Variants in IGFL4 observed in about 807,000 individuals in gnomAD.
The protein encoded by IGFL4 is IGF like family member 4.
A neutral mutation model predicts 15.4 loss-of-function variants in IGFL4; 12 were observed. The observed-to-expected ratio is 0.78, with a 90% CI of 0.50 to 1.26. The LOEUF (loss-of-function observed/expected upper bound fraction) is 1.26, where lower values mean the gene tolerates loss of function less well. Ranked by LOEUF, IGFL4 falls within the 50% of genes most tolerant of loss-of-function variation. The pLI, the probability that IGFL4 is intolerant of heterozygous loss-of-function variation, is 0.00. For missense variants in IGFL4, 126 were observed against 147.8 expected (o/e 0.85, Z 0.76); for synonymous variants, 54 against 55.9 (o/e 0.97, Z 0.16).
Position 46,039,809 on chromosome 19 carries a change from C to CACA in IGFL4, c.*80_*82dup, listed in dbSNP as rs111930205. 11,976 of 1,255,990 alleles carry CACA rather than the reference C, an allele frequency of 9.5e-3. 816 individuals are homozygous for CACA. The African/African-American group carries it at 0.15, about 16-fold the overall frequency. The allele number at this position is 1,255,990 out of a possible 1,614,324, so 77.8% of individuals were successfully genotyped here. On this transcript the variant is annotated 3_prime_UTR_variant, in exon 4 of 4. Coordinates refer to ENST00000377697, the MANE Select transcript of IGFL4 (RefSeq NM_001002923.3). ...CCTGGGGGACAGAGTGAAACTCTGT[C>CACA]ACAACAACAACAAAATCAATGCAGT...
chr19:46,049,463 G>A (rs761398074), intron 2 of IGFL4, among the ~76,000 whole-genome samples: 5 of 152,134 alleles, frequency 3.3e-5, no homozygotes, highest in Non-Finnish European at 7.4e-5. Context: ...TGGGTTGTGG[G>A]CTGCATGGGA....
intron 2 of IGFL4, among the ~76,000 whole-genome samples, chr19:46,053,565 A>G (rs1042316498): frequency 6.6e-6 from 1 of 152,172 alleles, no homozygotes; most frequent in Admixed American, 6.5e-5. Context: ...TATTGTGAAT[A>G]CTACTGCAAT....
intron 2 of IGFL4, chr19:46,059,953 C>T (rs1161687979): frequency 1.3e-5 from 2 of 152,160 alleles, no homozygotes; most frequent in Non-Finnish European, 1.5e-5. Context: ...TTACTTACCA[C>T]AGGTCGGGAA....
At chr19:46,052,998 C>T (rs958250685) in intron 2 of IGFL4, among the ~76,000 whole-genome samples, 12 of 148,228 alleles carry the variant, frequency 8.1e-5, no homozygotes, top group East Asian at 2.0e-4. Flanking sequence ...GAGGAACCCT[C>T]GGTGGAAAGT....
chr19:46,043,182 C>T (rs1017079157), upstream of IGFL4, among the ~76,000 whole-genome samples: 9 of 152,060 alleles, frequency 5.9e-5, no homozygotes. Flanking sequence ...GGGAACAATG[C>T]CATTTATAAT....
upstream of IGFL4, among the ~76,000 whole-genome samples, chr19:46,044,478 T>G (rs1390873591): frequency 6.6e-6 from 1 of 152,122 alleles, no homozygotes; most frequent in African/African-American, 2.4e-5. Flanking sequence ...GGCCGGAGTC[T>G]GCCTGGGTCA....
intron 2 of IGFL4, among the ~76,000 whole-genome samples, chr19:46,057,144 A>G (rs936145744): frequency 1.3e-5 from 2 of 152,210 alleles, no homozygotes; most frequent in Admixed American, 1.3e-4. Context: ...ATGTTAAAGA[A>G]TCAGTCTCAA....
At chr19:46,075,458 A>G (rs1383010613) in intron 1 of IGFL4, among the ~76,000 whole-genome samples, 2 of 152,168 alleles carry the variant, frequency 1.3e-5, no homozygotes, top group African/African-American at 4.8e-5. Flanking sequence ...AAGATGCTTC[A>G]GATCCTTACC....
chr19:46,070,929 C>T (rs1163696087), intron 1 of IGFL4, among the ~76,000 whole-genome samples: 1 of 152,104 alleles, frequency 6.6e-6, no homozygotes, highest in Non-Finnish European at 1.5e-5. Flanking sequence ...AATTGAATCG[C>T]CTAATCACCA....
At chr19:46,043,256 A>G (rs746734592), upstream of IGFL4, among the ~76,000 whole-genome samples, 2 of 152,222 alleles carry the variant, frequency 1.3e-5, no homozygotes, top group African/African-American at 4.8e-5. Context: ...TAGAGGATAT[A>G]TATGCTTAAA....
upstream of IGFL4, among the ~76,000 whole-genome samples, chr19:46,044,020 A>C (rs1327685458): frequency 1.3e-5 from 2 of 152,080 alleles, no homozygotes; most frequent in Non-Finnish European, 2.9e-5. Context: ...ACAGGTTGTC[A>C]CTCTCAACCC....
At chr19:46,047,968 A>G (rs1415512008) in intron 2 of IGFL4, among the ~76,000 whole-genome samples, 1 of 152,196 alleles carries the variant, frequency 6.6e-6, no homozygotes, top group African/African-American at 2.4e-5. Context: ...ACAACAAAAT[A>G]AGAAAACTTC....
intron 2 of IGFL4, among the ~76,000 whole-genome samples, chr19:46,057,344 C>T (rs1280426101): frequency 6.6e-6 from 1 of 151,864 alleles, no homozygotes; most frequent in African/African-American, 2.4e-5. Flanking sequence ...GGAAAGAATA[C>T]ACCAAAATAT....
At chr19:46,072,036 A>G (rs1600680348) in intron 1 of IGFL4, among the ~76,000 whole-genome samples, 3 of 152,234 alleles carry the variant, frequency 2.0e-5, no homozygotes, top group African/African-American at 7.2e-5. Flanking sequence ...ACAGAAAAAA[A>G]TGAAGCTGAG....
chr19:46,054,624 C>T (rs1270218070), intron 2 of IGFL4, among the ~76,000 whole-genome samples: 1 of 152,076 alleles, frequency 6.6e-6, no homozygotes, highest in African/African-American at 2.4e-5. Context: ...TCTACTTTCT[C>T]AATAATACCT....
chr19:46,040,477 C>T lies in IGFL4; in HGVS notation c.70+41G>A, dbSNP rs1343704346. The T allele has an allele frequency of 6.2e-7, 1 of 1,614,000 alleles. No individual in the cohort carries two copies. Among genetic ancestry groups the T allele is most frequent in the African/African-American group, 1.3e-5 (1 of 74,936 alleles). ...AGCCTAGGACCACCTCCCCACCAAC[C>T]TTAATGCTGTTCTCTCCTCCCTCAC... On this transcript the variant is annotated intron_variant, in intron 2 of 3. Coordinates refer to ENST00000377697, the MANE Select transcript of IGFL4 (RefSeq NM_001002923.3). This position sits in a 1 kb window ranked among gnomAD's most constrained non-coding sequence, Gnocchi z 4.1.
At chr19:46,067,328 T>C (rs984193020) in intron 1 of IGFL4, among the ~76,000 whole-genome samples, 14 of 152,266 alleles carry the variant, frequency 9.2e-5, no homozygotes, top group African/African-American at 3.1e-4. Context: ...AGTCCCAGTT[T>C]GCCCTCCACC....
intron 2 of IGFL4, among the ~76,000 whole-genome samples, chr19:46,055,402 T>C (rs1299922411): frequency 6.6e-6 from 1 of 152,184 alleles, no homozygotes; most frequent in Non-Finnish European, 1.5e-5. Flanking sequence ...AGTAACGTGT[T>C]TTCTTTGATC....
At chr19:46,043,928 T>C (rs1969272649), upstream of IGFL4, among the ~76,000 whole-genome samples, 1 of 152,202 alleles carries the variant, frequency 6.6e-6, no homozygotes. Context: ...GCAAGATGGC[T>C]GACTAGAAGC....
Sources: allele counts gnomAD v4.1 joint callset (sites outside exome capture counted in the v4.1 genomes callset), GRCh38; gene constraint gnomAD v4.1.1; non-coding constraint Gnocchi (gnomAD v3.1); transcripts MANE v1.5; gene names NCBI Gene and HGNC (gene_info 2026-07-23, HGNC 2026-07-21).